The following RASGEF1C variants were observed in gnomAD, a reference collection of about 807,000 sequenced individuals.
RASGEF1C encodes the protein ras-GEF domain-containing family member 1C.
Under a neutral mutation model 58.1 loss-of-function variants are expected in RASGEF1C, and 27 were observed. The observed-to-expected ratio is 0.46, with a 90% CI of 0.34 to 0.64. RASGEF1C has a LOEUF of 0.64. RASGEF1C is among the 30% of genes least tolerant of loss of function. The pLI, the probability that RASGEF1C is intolerant of heterozygous loss-of-function variation, is 0.01. For synonymous variants in RASGEF1C, 243 were observed against 246.3 expected (o/e 0.99, Z 0.13); for missense variants, 502 against 605.1 (o/e 0.83, Z 1.79).
At chr5:180,122,655 C>T (rs932306355) in intron 6 of RASGEF1C, among the ~76,000 whole-genome samples, 16 of 150,276 alleles carry the variant, frequency 1.1e-4, no homozygotes, top group Admixed American at 4.7e-4. Flanking sequence ...GCAGGAGAAT[C>T]GCTTGAACCC....
At chr5:180,132,558 C>T (rs1177932617) in intron 4 of RASGEF1C, among the ~76,000 whole-genome samples, 1 of 152,200 alleles carries the variant, frequency 6.6e-6, no homozygotes, top group African/African-American at 2.4e-5. Context: ...CGTGAGGCTC[C>T]TAGGGGTCTG....
chr5:180,127,644 C>T lies in RASGEF1C; in HGVS notation c.679G>A (p.Ala227Thr). The stretch of plus-strand genomic sequence containing the variant: ...GCCAGAGGGTCCTTGTTCACAAAGG[C>T]CTGGACAAACTCCTCAGGCCCGATG... ...RHIGPEEFVQAFVNKDPLAST... is the reference protein window; with the variant it reads ...RHIGPEEFVQTFVNKDPLAST... Residue 227 changes from alanine to threonine, a missense_variant, in exon 6 of 14, where the codon GCC becomes ACC. Ala to Thr is a moderately conservative substitution (Grantham distance 58, BLOSUM62 0). Coordinates refer to ENST00000361132, the MANE Select transcript of RASGEF1C (RefSeq NM_175062.4). The T allele has an allele frequency of 6.2e-7, 1 of 1,613,372 alleles. No homozygotes were observed. The highest frequency in any genetic ancestry group is 8.5e-7 in the Non-Finnish European group (1 of 1,179,788).
intron 1 of RASGEF1C, among the ~76,000 whole-genome samples, chr5:180,206,053 AT>A (rs1756482640): frequency 6.6e-6 from 1 of 152,120 alleles, no homozygotes; most frequent in South Asian, 2.1e-4. Context: ...CTTTAAATAT[AT>A]TTTTTCTCTC....
At chr5:180,202,767 A>G (rs548318904) in intron 1 of RASGEF1C, among the ~76,000 whole-genome samples, 1 of 151,920 alleles carries the variant, frequency 6.6e-6, no homozygotes, top group Non-Finnish European at 1.5e-5. Context: ...CAGTGGCACA[A>G]TCTCGGCTCA....
intron 10 of RASGEF1C, among the ~76,000 whole-genome samples, chr5:180,117,137 G>C (rs1201514149): frequency 6.6e-6 from 1 of 152,218 alleles, no homozygotes; most frequent in African/African-American, 2.4e-5. Context: ...CCTGCCCTGG[G>C]ATTTGAGGTC....
chr5:180,178,500 G>A (rs892154748), intron 1 of RASGEF1C, among the ~76,000 whole-genome samples: 6 of 151,244 alleles, frequency 4.0e-5, no homozygotes, highest in African/African-American at 7.3e-5. Context: ...GGCTGGTCTC[G>A]AACTCCTGAC....
chr5:180,104,501 A>G (rs1411101335), intron 12 of RASGEF1C, among the ~76,000 whole-genome samples: 2 of 152,138 alleles, frequency 1.3e-5, no homozygotes, highest in African/African-American at 2.4e-5. Context: ...AACTGTAGAT[A>G]TATATATATA....
intron 4 of RASGEF1C, among the ~76,000 whole-genome samples, chr5:180,132,303 G>T (rs945679260): frequency 1.3e-4 from 20 of 152,234 alleles, no homozygotes; most frequent in African/African-American, 4.8e-4. Context: ...GCATAGAGCC[G>T]GGTGTGAATG....
chr5:180,193,014 A>G (rs9764653), intron 1 of RASGEF1C, among the ~76,000 whole-genome samples: 4,210 of 150,248 alleles, frequency 0.028, 200 homozygotes, highest in African/African-American at 0.095. Flanking sequence ...CCAAAGTGCC[A>G]GGATTACAGG....
At chr5:180,205,793 T>A (rs1443584020) in intron 1 of RASGEF1C, among the ~76,000 whole-genome samples, 1 of 152,076 alleles carries the variant, frequency 6.6e-6, no homozygotes, top group Non-Finnish European at 1.5e-5. Flanking sequence ...AGGGGTACAA[T>A]CTCAGCTCAG....
intron 1 of RASGEF1C, among the ~76,000 whole-genome samples, chr5:180,163,252 T>TTTTTTTG (rs1766972601): frequency 1.2e-5 from 1 of 80,960 alleles, no homozygotes; most frequent in East Asian, 5.0e-4. Flanking sequence ...TTTTTTTTTT[T>TTTTTTTG]CCAGCCTATT....
chr5:180,164,192 G>A (rs767370861), intron 1 of RASGEF1C, among the ~76,000 whole-genome samples: 6 of 152,196 alleles, frequency 3.9e-5, no homozygotes, highest in South Asian at 2.1e-4. Context: ...TTTCATTGAC[G>A]TTCTCTATCA....
intron 6 of RASGEF1C, among the ~76,000 whole-genome samples, chr5:180,126,521 G>A (rs1766265311): frequency 1.3e-5 from 2 of 152,176 alleles, no homozygotes; most frequent in South Asian, 4.1e-4. Context: ...AACATACATG[G>A]TTTTGTGTTA....
In RASGEF1C at chr5:180,197,085, C is replaced by T. The variant is rs763098948; in HGVS notation, c.-7+11943G>A. On this transcript the variant is annotated intron_variant, in intron 1 of 13. Transcript: ENST00000361132. This position sits in a 1 kb window ranked among gnomAD's most constrained non-coding sequence, Gnocchi z 4.7. ...GGGCAGGGCTGCTCTCACTGACAGGCGCCTGTGGCCAGCCTGCCTCTGATG... is the reference window on the plus strand; with the variant it reads ...GGGCAGGGCTGCTCTCACTGACAGGTGCCTGTGGCCAGCCTGCCTCTGATG... Among the ~76,000 whole-genome samples, 2 of 152,228 alleles carry T rather than the reference C, an allele frequency of 1.3e-5. No individual in the cohort carries two copies. Among genetic ancestry groups the T allele is most frequent in the African/African-American group, 2.4e-5 (1 of 41,450 alleles).
chr5:180,201,041 T>C (rs909144269), intron 1 of RASGEF1C, among the ~76,000 whole-genome samples: 1 of 152,108 alleles, frequency 6.6e-6, no homozygotes, highest in Non-Finnish European at 1.5e-5. Flanking sequence ...GAGGCTGCAG[T>C]GAGCTGTGAT....
At chr5:180,120,857 C>T (rs1254936531) in intron 7 of RASGEF1C, among the ~76,000 whole-genome samples, 1 of 152,116 alleles carries the variant, frequency 6.6e-6, no homozygotes. Flanking sequence ...GCCGGTGGAT[C>T]TGGCCTGGGT....
intron 4 of RASGEF1C, among the ~76,000 whole-genome samples, chr5:180,135,051 C>CCT (rs1554112762): frequency 2.2e-5 from 3 of 138,476 alleles, no homozygotes; most frequent in African/African-American, 5.8e-5. Context: ...CCCCACCCCC[C>CCT]CCGTCCAATC....
chr5:180,148,261 C>A (rs979282736), intron 1 of RASGEF1C, among the ~76,000 whole-genome samples: 6 of 152,040 alleles, frequency 3.9e-5, no homozygotes, highest in African/African-American at 1.4e-4. Context: ...CTCTTGTGGA[C>A]AATATATAGT....
chr5:180,173,632 T>A (rs1354106306), intron 1 of RASGEF1C, among the ~76,000 whole-genome samples: 1 of 152,188 alleles, frequency 6.6e-6, no homozygotes, highest in Non-Finnish European at 1.5e-5. Context: ...CTGGTGCAGT[T>A]GGCCGGGCAC....
Sources: gnomAD v4.1 joint callset for allele counts (sites outside exome capture counted in the v4.1 genomes callset) on GRCh38, gnomAD v4.1.1 for gene constraint, Gnocchi (gnomAD v3.1) non-coding constraint, MANE v1.5 for transcripts, NCBI Gene and HGNC (gene_info 2026-07-23, HGNC 2026-07-21) for gene names.